FGF13: variants seen among roughly 807,000 people sequenced by gnomAD.
The protein encoded by FGF13 is fibroblast growth factor homologous factor 2.
A neutral mutation model predicts 19.5 loss-of-function variants in FGF13; 2 were observed. The observed-to-expected ratio is 0.10, with a 90% CI of 0.04 to 0.32. The LOEUF (loss-of-function observed/expected upper bound fraction) is 0.32, where lower values mean the gene tolerates loss of function less well. FGF13 is among the 10% of genes least tolerant of loss of function. The probability of loss-of-function intolerance (pLI) is 1.00; values close to 1 mark genes in which losing one functional copy is unlikely to be tolerated. For synonymous variants in FGF13, 72 were observed against 76.9 expected (o/e 0.94, Z 0.33); for missense variants, 113 against 192.7 (o/e 0.59, Z 2.45).
At position 138,702,996 on chromosome X, in the gene FGF13, G is replaced by A. The variant is rs767871716; in HGVS notation, c.390C>T (p.Tyr130=). 2.1e-5 allele frequency: 25 copies of A among 1,199,362 alleles called. No individual in the cohort carries two copies. Among genetic ancestry groups the A allele is most frequent in the Non-Finnish European group, 2.8e-5 (25 of 885,291 alleles). Residue 130 remains tyrosine (Y), a synonymous_variant, in exon 3 of 5, where the codon TAC becomes TAT. Transcript: ENST00000315930. ...KLYLAMNSEG[Y]LYTSELFTPE... is the part of the protein sequence containing the mutation. ...GTCAAAAGCTTACCGAGGTGTACAA[G>A]TATCCCTCACTGTTCATTGCCAAGT...
chrX:139,152,775 T>G (rs1181058624), intron 1 of FGF13, among the ~76,000 whole-genome samples: 1 of 110,816 alleles, frequency 9.0e-6, no homozygotes, highest in Non-Finnish European at 1.9e-5. Flanking sequence ...CCACCATGTG[T>G]TTCTCTCTCT....
At chrX:138,667,165 C>T (rs1190804998) in intron 3 of FGF13, among the ~76,000 whole-genome samples, 3 of 104,413 alleles carry the variant, frequency 2.9e-5, no homozygotes, top group South Asian at 4.0e-4. Flanking sequence ...ATATAAAATA[C>T]GTATATATTA....
chrX:138,664,558 T>A (rs866162851), intron 3 of FGF13, among the ~76,000 whole-genome samples: 29 of 104,365 alleles, frequency 2.8e-4, no homozygotes, highest in African/African-American at 8.7e-4. Flanking sequence ...TTTGCATGTG[T>A]GAGAGAGAGA....
chrX:138,867,403 A>T (rs1272908323), intron 1 of FGF13, among the ~76,000 whole-genome samples: 1 of 111,056 alleles, frequency 9.0e-6, no homozygotes, highest in Non-Finnish European at 1.9e-5. Context: ...TGGGTGACAA[A>T]GCAAGACTCT....
At chrX:139,187,592 AG>A (rs1019172317) in intron 1 of FGF13, among the ~76,000 whole-genome samples, 6 of 111,823 alleles carry the variant, frequency 5.4e-5, no homozygotes, top group African/African-American at 2.0e-4. Flanking sequence ...TAATCTTAGC[AG>A]AAAAAAAATA....
At chrX:138,945,230 T>A (rs946992031) in intron 1 of FGF13, among the ~76,000 whole-genome samples, 2 of 111,281 alleles carry the variant, frequency 1.8e-5, no homozygotes, top group African/African-American at 6.5e-5. Context: ...ACCAAAATGG[T>A]ATTCTTCATT....
chrX:138,792,454 T>G (rs781761207), intron 3 of FGF13, among the ~76,000 whole-genome samples: 3 of 111,736 alleles, frequency 2.7e-5, no homozygotes, highest in Non-Finnish European at 5.6e-5. Context: ...CTAGAGCATG[T>G]GACCAAAGTG....
chrX:138,699,152 ACTTC>A (rs1362280521), intron 3 of FGF13, among the ~76,000 whole-genome samples: 1 of 110,698 alleles, frequency 9.0e-6, no homozygotes, highest in Non-Finnish European at 1.9e-5. Flanking sequence ...AAATTCTTCT[ACTTC>A]CTTGTCTATT....
At chrX:138,972,987 A>C (rs748409008) in intron 1 of FGF13, among the ~76,000 whole-genome samples, 1 of 110,907 alleles carries the variant, frequency 9.0e-6, no homozygotes, top group South Asian at 3.8e-4. Context: ...GAGCTTTATA[A>C]TTTATTTAGG....
At chrX:139,138,039 G>A (rs1216822874) in intron 1 of FGF13, among the ~76,000 whole-genome samples, 1 of 112,351 alleles carries the variant, frequency 8.9e-6, no homozygotes, top group Non-Finnish European at 1.9e-5. Flanking sequence ...ATGCAAAGTT[G>A]AAAGGACCCA....
intron 3 of FGF13, among the ~76,000 whole-genome samples, chrX:138,764,412 A>G (rs1468017866): frequency 1.8e-5 from 2 of 112,506 alleles, no homozygotes; most frequent in African/African-American, 6.4e-5. Context: ...TTAGGCATAC[A>G]CTCTAGTGTA....
At chrX:138,805,996 T>G (rs755415218) in intron 3 of FGF13, among the ~76,000 whole-genome samples, 1 of 111,661 alleles carries the variant, frequency 9.0e-6, no homozygotes, top group South Asian at 3.8e-4. Flanking sequence ...GCATGGCACT[T>G]GACTCAGTAT....
intron 1 of FGF13, among the ~76,000 whole-genome samples, chrX:138,955,540 G>A (rs1248908709): frequency 8.9e-6 from 1 of 112,013 alleles, no homozygotes; most frequent in African/African-American, 3.2e-5. Context: ...ACTCGACCAA[G>A]GTTACACAGG....
At chrX:138,818,499 GACACACACAC>G (rs371760908) in intron 3 of FGF13, among the ~76,000 whole-genome samples, 2,391 of 84,727 alleles carry the variant, frequency 0.028, 63 homozygotes, top group African/African-American at 0.083. Flanking sequence ...TATATGCACA[GACACACACAC>G]ACACACACAC....
At chrX:138,718,913 G>A (rs918498705) in intron 1 of FGF13, among the ~76,000 whole-genome samples, 5 of 112,272 alleles carry the variant, frequency 4.5e-5, no homozygotes, top group Admixed American at 1.9e-4. Flanking sequence ...CTTGTTAAGT[G>A]CTATAACCTT....
intron 1 of FGF13, among the ~76,000 whole-genome samples, chrX:139,202,711 C>T (rs1187826647): frequency 3.6e-5 from 4 of 111,477 alleles, no homozygotes; most frequent in Non-Finnish European, 7.5e-5. Flanking sequence ...GGAAAGAAAG[C>T]TCTGAGAGAT....
intron 1 of FGF13, among the ~76,000 whole-genome samples, chrX:139,144,568 C>T (rs1046784949): frequency 9.2e-6 from 1 of 108,835 alleles, no homozygotes; most frequent in African/African-American, 3.5e-5. Context: ...GCCCAGTCTT[C>T]CCCCATCCTT....
In FGF13 at chrX:138,978,266, G is replaced by GTTTTTTTTTTTTTTGTTTTT. The variant is rs761673065; in HGVS notation, c.-112-113617_-112-113616insAAAAACAAAAAAAAAAAAAA. 5.8e-3 allele frequency among the ~76,000 whole-genome samples: 482 copies of GTTTTTTTTTTTTTTGTTTTT among 82,865 alleles called. 32 individuals are homozygous for GTTTTTTTTTTTTTTGTTTTT. Among genetic ancestry groups the GTTTTTTTTTTTTTTGTTTTT allele is most frequent in the African/African-American group, 0.022 (458 of 20,379 alleles). 72.0% of individuals were successfully genotyped at this position (82,865 alleles called of 115,157 possible). A position where few individuals can be genotyped will look rare whatever the true frequency, so the allele number is the denominator to read the frequency against. ...TAATCTCTATGGGCTAGCTGCCCTGGTTTTTTTTTTTTTTGAGATGGAGTC... is the reference window on the plus strand; with the variant it reads ...TAATCTCTATGGGCTAGCTGCCCTGGTTTTTTTTTTTTTTGTTTTTTTTTTTTTTTTTTTGAGATGGAGTC... On this transcript the variant is annotated intron_variant, in intron 1 of 2. Transcript: ENST00000421460.
intron 1 of FGF13, among the ~76,000 whole-genome samples, chrX:139,099,395 AAAAG>A (rs1222530790): frequency 2.8e-5 from 3 of 108,336 alleles, no homozygotes; most frequent in Non-Finnish European, 5.7e-5. Context: ...AAAAAAAAAA[AAAAG>A]AAAGAAAAGG....
Sources: gnomAD v4.1 joint callset for allele counts (sites outside exome capture counted in the v4.1 genomes callset) on GRCh38, gnomAD v4.1.1 for gene constraint, MANE v1.5 for transcripts, NCBI Gene and HGNC (gene_info 2026-07-23, HGNC 2026-07-21) for gene names.